The following PLEKHA6 variants were observed in gnomAD, a reference collection of about 807,000 sequenced individuals.
The protein encoded by PLEKHA6 is pleckstrin homology domain containing A6.
In PLEKHA6, 60 loss-of-function variants were observed where a neutral mutation model predicts 116.7. The ratio of observed to expected loss-of-function variants is 0.51; its 90% CI spans 0.42 to 0.64. PLEKHA6 has a LOEUF of 0.64. Ranked by LOEUF, PLEKHA6 falls within the 30% of genes least tolerant of loss-of-function variation. The pLI is 0.00. For synonymous variants in PLEKHA6, 489 were observed against 556.1 expected (o/e 0.88, Z 1.70); for missense variants, 1,338 against 1,422.7 (o/e 0.94, Z 0.96).
intron 17 of PLEKHA6, among the ~76,000 whole-genome samples, chr1:204,236,492 A>G (rs1475448573): frequency 6.6e-6 from 1 of 152,136 alleles, no homozygotes; most frequent in Admixed American, 6.5e-5. Flanking sequence ...GAGCCCTGTA[A>G]TTGCTCTTCT....
In PLEKHA6 at chr1:204,259,250, T is replaced by A; in HGVS notation, c.1007+8A>T. 3.1e-6 allele frequency: 5 copies of A among 1,611,996 alleles called. No homozygotes were observed. Among genetic ancestry groups the A allele is most frequent in the Non-Finnish European group, 4.2e-6 (5 of 1,179,050 alleles). The stretch of plus-strand genomic sequence containing the variant: ...ATCAGCCCCACCCCAGCCGCCGGCA[T>A]GCCTCACCTCCGAAGGTCTTCAGGC... On this transcript the variant is annotated splice_region_variant and intron_variant, in intron 8 of 22. Coordinates refer to ENST00000272203, the MANE Select transcript of PLEKHA6 (RefSeq NM_014935.5). This position sits in a 1 kb window ranked among gnomAD's most constrained non-coding sequence, Gnocchi z 4.6.
At chr1:204,226,365 T>C (rs1660370110) in intron 21 of PLEKHA6, among the ~76,000 whole-genome samples, 1 of 152,152 alleles carries the variant, frequency 6.6e-6, no homozygotes, top group African/African-American at 2.4e-5. Flanking sequence ...GTGGGTTTTG[T>C]TTTCATGGGA....
At chr1:204,267,656 A>C in intron 4 of PLEKHA6, 109 bp from the exon 5 acceptor site, 1 of 910,248 alleles carries the variant, frequency 1.1e-6, no homozygotes. Context: ...TCCTGGCCCT[A>C]GCTGCGGCTC....
In PLEKHA6 at chr1:204,228,931, A is replaced by G. The variant is rs1214138672; in HGVS notation, c.2751+6T>C. 1.1e-5 allele frequency: 18 copies of G among 1,613,594 alleles called. No individual in the cohort carries two copies. The highest frequency in any genetic ancestry group is 1.5e-5 in the Non-Finnish European group (18 of 1,179,882). On this transcript the variant is annotated splice_donor_region_variant and intron_variant, in intron 19 of 22. Transcript: ENST00000272203. This position sits in a 1 kb window ranked among gnomAD's most constrained non-coding sequence, Gnocchi z 4.0. The stretch of plus-strand genomic sequence containing the variant: ...TCCCACTACAGCCCTTCCTGGCTCC[A>G]CTCACCTCCTTATTGATGTCCACGT...
At chr1:204,294,966 C>A (rs1425848976) in intron 1 of PLEKHA6, among the ~76,000 whole-genome samples, 1 of 152,206 alleles carries the variant, frequency 6.6e-6, no homozygotes, top group African/African-American at 2.4e-5. Context: ...CACTTTGACA[C>A]CTACAGATGG....
chr1:204,258,708 CAA>C (rs1460288894), intron 8 of PLEKHA6, among the ~76,000 whole-genome samples: 1 of 152,222 alleles, frequency 6.6e-6, no homozygotes, highest in Non-Finnish European at 1.5e-5. Flanking sequence ...CCAGATATTT[CAA>C]AGTCAGTCAT....
In PLEKHA6 at chr1:204,231,593, G is replaced by A. The variant is rs1571764530; in HGVS notation, c.2410-1007C>T. Among the ~76,000 whole-genome samples, 3 of 148,850 alleles carry A rather than the reference G, an allele frequency of 2.0e-5. No individual in the cohort carries two copies. In the South Asian group the frequency reaches 6.5e-4, roughly 32 times the overall value. On this transcript the variant is annotated intron_variant, in intron 17 of 22. Coordinates refer to ENST00000272203, the MANE Select transcript of PLEKHA6 (RefSeq NM_014935.5). ...TCTTTTTTTTTTTTTTCTGAGATGG[G>A]GTCTTGCTCTGTCACTCCAGCTGGA...
chr1:204,246,882 T>G (rs980903445), intron 13 of PLEKHA6, among the ~76,000 whole-genome samples: 1 of 152,210 alleles, frequency 6.6e-6, no homozygotes. Flanking sequence ...ATGCCTGTAA[T>G]CCCAGCAGTT....
chr1:204,310,769 C>T (rs1671627724), intron 1 of PLEKHA6, among the ~76,000 whole-genome samples: 1 of 152,174 alleles, frequency 6.6e-6, no homozygotes, highest in South Asian at 2.1e-4. Context: ...AAAGACTCAT[C>T]TACAATAAAA....
At chr1:204,367,786 G>A (rs981670896) in intron 3 of PLEKHA6, 6 of 152,210 alleles carry the variant, frequency 3.9e-5, no homozygotes, top group African/African-American at 1.4e-4. Flanking sequence ...AAAGGAAACT[G>A]CGTCTTACTC....
intron 1 of PLEKHA6, among the ~76,000 whole-genome samples, chr1:204,372,606 T>C (rs763125303): frequency 3.3e-5 from 5 of 152,170 alleles, no homozygotes; most frequent in Admixed American, 6.5e-5. Context: ...AAACTTTTAT[T>C]AAAATGAGAT....
At position 204,261,488 on chromosome 1, in the gene PLEKHA6, A is replaced by C. The variant is rs765891871; in HGVS notation, c.382-40T>G. The C allele has an allele frequency of 6.4e-7, 1 of 1,570,374 alleles. No individual in the cohort carries two copies. The highest frequency in any genetic ancestry group is 2.3e-5 in the East Asian group (1 of 44,396). On this transcript the variant is annotated intron_variant, in intron 6 of 22. Coordinates refer to ENST00000272203, the MANE Select transcript of PLEKHA6 (RefSeq NM_014935.5). This position sits in a 1 kb window ranked among gnomAD's most constrained non-coding sequence, Gnocchi z 4.0. ...AGCGTGTGGAGCTGGCCTCGGCCTC[A>C]TCCACCCAGCACACAGTCACCTGTT... is the stretch of plus-strand genomic sequence containing the variant.
chr1:204,278,688 T>C, intron 1 of PLEKHA6, among the ~76,000 whole-genome samples: 1 of 152,228 alleles, frequency 6.6e-6, no homozygotes, highest in Non-Finnish European at 1.5e-5. Context: ...GGTCAATATA[T>C]TCAGCTATTT....
intron 17 of PLEKHA6, among the ~76,000 whole-genome samples, chr1:204,236,304 T>C (rs955030962): frequency 6.6e-6 from 1 of 152,206 alleles, no homozygotes; most frequent in Non-Finnish European, 1.5e-5. Flanking sequence ...GAGATGGAAA[T>C]GCCTGATCTC....
At chr1:204,252,018 C>T (rs1664639416) in intron 9 of PLEKHA6, among the ~76,000 whole-genome samples, 1 of 151,970 alleles carries the variant, frequency 6.6e-6, no homozygotes. Context: ...CTAAGTGAAA[C>T]AACCAAAAAA....
chr1:204,293,323 T>A (rs1343410520), intron 1 of PLEKHA6, among the ~76,000 whole-genome samples: 3 of 152,122 alleles, frequency 2.0e-5, no homozygotes, highest in Admixed American at 6.5e-5. Context: ...TCAGTAGAGA[T>A]ACGGTTTCAC....
At chr1:204,284,315 C>A (rs1464204722) in intron 1 of PLEKHA6, among the ~76,000 whole-genome samples, 2 of 152,226 alleles carry the variant, frequency 1.3e-5, no homozygotes, top group East Asian at 1.9e-4. Context: ...CAGGGAGACC[C>A]ATTCTGCCTC....
intron 1 of PLEKHA6, among the ~76,000 whole-genome samples, chr1:204,347,523 G>A (rs751358374): frequency 2.7e-5 from 4 of 150,828 alleles, no homozygotes; most frequent in African/African-American, 9.8e-5. Context: ...CTCGGCTTAC[G>A]AGATGACAGG....
intron 1 of PLEKHA6, among the ~76,000 whole-genome samples, chr1:204,341,777 C>T (rs990252077): frequency 6.6e-6 from 1 of 152,132 alleles, no homozygotes; most frequent in Non-Finnish European, 1.5e-5. Context: ...AAACATAAAA[C>T]CAAACATTTA....
Sources: gnomAD v4.1 joint callset for allele counts (sites outside exome capture counted in the v4.1 genomes callset) on GRCh38, gnomAD v4.1.1 for gene constraint, Gnocchi (gnomAD v3.1) non-coding constraint, MANE v1.5 for transcripts, NCBI Gene and HGNC (gene_info 2026-07-23, HGNC 2026-07-21) for gene names.